Variants in FAAH2 observed in about 807,000 individuals in gnomAD.
The protein encoded by FAAH2 is fatty acid amide hydrolase 2, also known as fatty-acid amide hydrolase 2.
Under a neutral mutation model 36.9 loss-of-function variants are expected in FAAH2, and 60 were observed. That is an observed-to-expected ratio of 1.63 (90% CI 1.32 to 2.02). The LOEUF (loss-of-function observed/expected upper bound fraction) is 2.02. FAAH2 is among the 30% of genes most tolerant of loss of function. The pLI is 0.00. For missense variants in FAAH2, 689 were observed against 397.5 expected, an observed-to-expected ratio of 1.73 and a Z score of -6.23; for synonymous variants, 214 against 143.8, an observed-to-expected ratio of 1.49 and a Z score of -3.49.
chrX:57,134,587 A>G, the FAAH2 span: 1 of 111,691 alleles, frequency 9.0e-6, no homozygotes, highest in African/African-American at 3.3e-5. Flanking sequence ...ATAGAAAACA[A>G]ACATTCCAGC....
At chrX:57,445,334 T>C (rs1210853734) in intron 8 of FAAH2, among the ~76,000 whole-genome samples, 1 of 111,687 alleles carries the variant, frequency 9.0e-6, no homozygotes. Flanking sequence ...CTTGTCTCTC[T>C]TTCCCTCAAT....
chrX:57,121,753 G>A, the FAAH2 span: 1 of 111,924 alleles, frequency 8.9e-6, no homozygotes, highest in African/African-American at 3.3e-5. Flanking sequence ...TTCCTCACCC[G>A]TTTCAGGGCC....
intron 3 of FAAH2, among the ~76,000 whole-genome samples, chrX:57,319,055 G>C (rs2052932947): frequency 9.0e-6 from 1 of 111,634 alleles, no homozygotes; most frequent in Admixed American, 9.6e-5. Context: ...CAAACCCACA[G>C]CCAATATCAT....
chrX:57,146,728 A>G, the FAAH2 span, among the ~76,000 whole-genome samples: 6 of 112,069 alleles, frequency 5.4e-5, no homozygotes, highest in Admixed American at 1.9e-4. Flanking sequence ...TATTACATTC[A>G]GGTATGTCTC....
intron 7 of FAAH2, among the ~76,000 whole-genome samples, chrX:57,421,734 A>G (rs1265417498): frequency 1.8e-5 from 2 of 111,997 alleles, no homozygotes; most frequent in East Asian, 5.6e-4. Context: ...AGTCCGTAGG[A>G]GTGAAAATGT....
At chrX:57,200,634 C>A in the FAAH2 span, among the ~76,000 whole-genome samples, 3 of 111,613 alleles carry the variant, frequency 2.7e-5, no homozygotes, top group African/African-American at 9.8e-5. Flanking sequence ...ACCTTGGCCT[C>A]CCAAAGTGCT....
chrX:57,477,935 G>A (rs2057303447), intron 10 of FAAH2, among the ~76,000 whole-genome samples: 1 of 111,856 alleles, frequency 8.9e-6, no homozygotes, highest in African/African-American at 3.2e-5. Context: ...TGTGAATAGT[G>A]CCACAATAAA....
the FAAH2 span, among the ~76,000 whole-genome samples, chrX:57,204,861 A>G: frequency 1.8e-5 from 2 of 112,373 alleles, no homozygotes; most frequent in Non-Finnish European, 3.8e-5. Context: ...CTACTGTGGC[A>G]TGTCCTTGAG....
chrX:57,453,415 C>A (rs763355574), intron 10 of FAAH2, among the ~76,000 whole-genome samples: 1 of 112,653 alleles, frequency 8.9e-6, no homozygotes, highest in African/African-American at 3.2e-5. Context: ...TCCAGCCCAG[C>A]AGTTCCTCTT....
intron 7 of FAAH2, among the ~76,000 whole-genome samples, chrX:57,388,171 A>G (rs1422667458): frequency 2.7e-5 from 3 of 111,633 alleles, no homozygotes; most frequent in Non-Finnish European, 5.7e-5. Flanking sequence ...ATGGCATAAT[A>G]CATTTAAATA....
intron 5 of FAAH2, among the ~76,000 whole-genome samples, chrX:57,358,482 C>T (rs781707325): frequency 1.9e-4 from 21 of 111,240 alleles, no homozygotes; most frequent in Non-Finnish European, 3.6e-4. Context: ...GCATAATGTC[C>T]TCAAGATGCA....
intron 5 of FAAH2, among the ~76,000 whole-genome samples, chrX:57,350,558 A>T (rs1345877175): frequency 2.7e-5 from 3 of 111,273 alleles, no homozygotes; most frequent in Non-Finnish European, 5.7e-5. Context: ...AACTTAAAAA[A>T]TACAGATTGA....
At chrX:57,384,893 A>T (rs1333903018) in intron 7 of FAAH2, among the ~76,000 whole-genome samples, 1 of 111,504 alleles carries the variant, frequency 9.0e-6, no homozygotes, top group Admixed American at 9.6e-5. Context: ...ATGTCCAACA[A>T]TGATAGACTG....
Position 57,410,527 on chromosome X carries a change from A to G in FAAH2, c.997-21391A>G, listed in dbSNP as rs1280086741. On this transcript the variant is annotated intron_variant, in intron 7 of 10. Coordinates refer to ENST00000374900, the MANE Select transcript of FAAH2 (RefSeq NM_174912.4). ...ATTATAATTTGCTTTATGTAGCTAT[A>G]TATATCTCATCAACATTGGACCATA... Among the ~76,000 whole-genome samples the G allele has an allele frequency of 2.7e-5, 3 of 111,790 alleles. No homozygotes were observed. The East Asian group carries it at 8.4e-4, about 31-fold the overall frequency.
At chrX:57,251,979 G>A in the FAAH2 span, among the ~76,000 whole-genome samples, 2 of 112,041 alleles carry the variant, frequency 1.8e-5, no homozygotes, top group Non-Finnish European at 3.8e-5. Flanking sequence ...GTACCTGGAG[G>A]AGCGGTACAC....
chrX:57,256,939 A>G, the FAAH2 span, among the ~76,000 whole-genome samples: 1 of 112,669 alleles, frequency 8.9e-6, no homozygotes, highest in African/African-American at 3.2e-5. Context: ...GACATATGAA[A>G]AAATGCTCAT....
chrX:57,234,710 C>T, the FAAH2 span, among the ~76,000 whole-genome samples: 19 of 110,953 alleles, frequency 1.7e-4, no homozygotes, highest in African/African-American at 4.3e-4. Flanking sequence ...TGACAGGAGG[C>T]GGAACTCAGG....
chrX:57,132,776 G>T, the FAAH2 span, among the ~76,000 whole-genome samples: 1 of 112,519 alleles, frequency 8.9e-6, no homozygotes, highest in African/African-American at 3.2e-5. Context: ...TTAATACGTG[G>T]ATGGCTTTCC....
chrX:57,249,277 A>T, the FAAH2 span, among the ~76,000 whole-genome samples: 1 of 112,131 alleles, frequency 8.9e-6, no homozygotes, highest in Non-Finnish European at 1.9e-5. Context: ...TAAGTTAAAC[A>T]TTAAAGAATT....
Sources: allele counts gnomAD v4.1 joint callset (sites outside exome capture counted in the v4.1 genomes callset), GRCh38; gene constraint gnomAD v4.1.1; transcripts MANE v1.5; gene names NCBI Gene and HGNC (gene_info 2026-07-23, HGNC 2026-07-21).